Variants in SIRT2 observed in about 807,000 individuals in gnomAD.
SIRT2 encodes the protein sirtuin 2.
A neutral mutation model predicts 57.4 loss-of-function variants in SIRT2; 40 were observed. The observed-to-expected ratio is 0.70, with a 90% CI of 0.54 to 0.91. The LOEUF (loss-of-function observed/expected upper bound fraction) is 0.91. Ranked by LOEUF, SIRT2 falls within the 40% of genes least tolerant of loss-of-function variation. The pLI, the probability that SIRT2 is intolerant of heterozygous loss-of-function variation, is 0.00. For missense variants in SIRT2, 439 were observed against 510.4 expected, an observed-to-expected ratio of 0.86 and a Z score of 1.35; for synonymous variants, 161 against 195.7, an observed-to-expected ratio of 0.82 and a Z score of 1.48.
At chr19:38,881,256 A>T in intron 10 of SIRT2, 101 bp from the exon 11 acceptor site, 1 of 1,282,942 alleles carries the variant, frequency 7.8e-7, no homozygotes, top group Non-Finnish European at 1.1e-6. Context: ...GGGAGTTGGG[A>T]GCAGTGGGGA....
chr19:38,898,353 C>A, intron 2 of SIRT2, 26 bp downstream of exon 2: 1 of 1,446,770 alleles, frequency 6.9e-7, no homozygotes, highest in Non-Finnish European at 9.2e-7. Context: ...TCTCTCTCCT[C>A]CCCTCCACCC....
At chr19:38,881,380 G>A in intron 10 of SIRT2, 52 bp downstream of exon 10, 1 of 1,549,956 alleles carries the variant, frequency 6.5e-7, no homozygotes, top group Non-Finnish European at 8.9e-7. Context: ...TCAGGGGGAG[G>A]AGGGGACCCC....
rs1454214996 is a variant in SIRT2, at chr19:38,893,841, T to A, written c.90A>T (p.Gly30=). The change falls in exon 3 of 16, where the codon GGA becomes GGT. Residue 30 remains glycine (G), a synonymous_variant. Coordinates refer to ENST00000249396, the MANE Select transcript of SIRT2 (RefSeq NM_012237.4). ...CACTGTCTGCTTCTCCACCAGCGGC[T>A]CCTCCCTCAGAGTCTGAATCTGAGT... is the stretch of plus-strand genomic sequence containing the variant. ...AQDSDSDSEG[G]AAGGEADMDF... 1.2e-6 allele frequency: 2 copies of A among 1,613,600 alleles called. No individual in the cohort carries two copies. The highest frequency in any genetic ancestry group is 1.7e-6 in the Non-Finnish European group (2 of 1,179,916).
intron 8 of SIRT2, among the ~76,000 whole-genome samples, chr19:38,886,354 G>T (rs988426372): frequency 3.9e-5 from 6 of 152,090 alleles, no homozygotes; most frequent in Non-Finnish European, 8.8e-5. Context: ...ACATGTGAGT[G>T]AGCAATTTGC....
chr19:38,892,435 A>C (rs565870301), intron 4 of SIRT2, among the ~76,000 whole-genome samples: 1 of 151,884 alleles, frequency 6.6e-6, no homozygotes, highest in African/African-American at 2.4e-5. Flanking sequence ...TTTCATGCTG[A>C]CTCAGTAAGT....
chr19:38,889,834 C>T, intron 6 of SIRT2, 21 bp downstream of exon 6: 1 of 1,613,366 alleles, frequency 6.2e-7, no homozygotes, highest in Non-Finnish European at 8.5e-7. Flanking sequence ...CACAGACGCC[C>T]CTTCCTGGGG....
chr19:38,881,541 C>T (rs200303725), intron 9 of SIRT2, 50 bp from the exon 10 acceptor site: 65 of 1,545,086 alleles, frequency 4.2e-5, no homozygotes, highest in African/African-American at 1.1e-4. Context: ...GGATCTGGGC[C>T]GGAGTCTGGA....
At position 38,881,432 on chromosome 19, in the gene SIRT2, C is replaced by T. The variant is rs1186107848; in HGVS notation, c.691G>A (p.Asp231Asn). ...CEDCQSLVKP[D>N]IVFFGESLPA... is the part of the protein sequence containing the mutation. ...GGCAGGTCCCTGGCCAGAGGCTCACCAGGCTTCACCAGGCTCTGACAGTCT... is the reference window on the plus strand; with the variant it reads ...GGCAGGTCCCTGGCCAGAGGCTCACTAGGCTTCACCAGGCTCTGACAGTCT... The change falls in exon 10 of 16, where the codon GAT becomes AAT. Residue 231 changes from aspartate to asparagine, a missense_variant and splice_region_variant. Transcript: ENST00000249396. The T allele has an allele frequency of 4.3e-6, 7 of 1,613,854 alleles. No individual in the cohort carries two copies. Among genetic ancestry groups the T allele is most frequent in the African/African-American group, 4.0e-5 (3 of 74,898 alleles).
At chr19:38,881,402 A>T in intron 10 of SIRT2, 30 bp downstream of exon 10, 1 of 1,610,468 alleles carries the variant, frequency 6.2e-7, no homozygotes, top group South Asian at 1.1e-5. Flanking sequence ...ACCCAAATCC[A>T]CCTGGGCAGG....
chr19:38,879,357 G>A, intron 15 of SIRT2, 47 bp from the exon 16 acceptor site: 1 of 1,609,036 alleles, frequency 6.2e-7, no homozygotes, highest in Non-Finnish European at 8.5e-7. Context: ...GTGCATCATG[G>A]GGTCAGAGGA....
At chr19:38,887,012 A>T (rs1568400063) in intron 8 of SIRT2, among the ~76,000 whole-genome samples, 1 of 151,958 alleles carries the variant, frequency 6.6e-6, no homozygotes, top group African/African-American at 2.4e-5. Flanking sequence ...ATCTCAGCTC[A>T]GGGCAACCTC....
intron 8 of SIRT2, among the ~76,000 whole-genome samples, chr19:38,884,255 C>T (rs1973255309): frequency 6.6e-6 from 1 of 152,156 alleles, no homozygotes; most frequent in Admixed American, 6.5e-5. Context: ...TTTATTAGAG[C>T]CAGATGCTTT....
chr19:38,889,054 C>T (rs944808365), intron 8 of SIRT2, 33 bp downstream of exon 8: 1 of 1,600,950 alleles, frequency 6.2e-7, no homozygotes, highest in Non-Finnish European at 8.5e-7. Flanking sequence ...TCCACCCGCC[C>T]ATCCTCCTCC....
chr19:38,894,782 G>A (rs1246087207), intron 2 of SIRT2: 3 of 455,872 alleles, frequency 6.6e-6, no homozygotes, highest in Middle Eastern at 6.5e-4. Context: ...GCAGGTCTCT[G>A]GGACTCTGTC....
rs1373287230 is a variant in SIRT2 at position 38,880,987 on chromosome 19, C to G, written c.748-90G>C. Reference sequence around the variant, plus strand: ...CCCAGCAGCAAACCTCCCTGCCGCCCCCCATAGCTGGGGAGGTGACCTTTC... The same window carrying G: ...CCCAGCAGCAAACCTCCCTGCCGCCGCCCATAGCTGGGGAGGTGACCTTTC... On this transcript the variant is annotated intron_variant, in intron 11 of 15. Coordinates refer to ENST00000249396, the MANE Select transcript of SIRT2 (RefSeq NM_012237.4). This position sits in a 1 kb window ranked among gnomAD's most constrained non-coding sequence, Gnocchi z 4.1. 1.9e-5 allele frequency: 30 copies of G among 1,544,234 alleles called. No homozygotes were observed. In the East Asian group the frequency reaches 6.6e-4, roughly 34 times the overall value.
intron 1 of SIRT2, 45 bp downstream of exon 1, chr19:38,899,461 A>C (rs199984937): frequency 1.9e-6 from 3 of 1,610,072 alleles, no homozygotes; most frequent in Non-Finnish European, 2.5e-6. Context: ...GCATTCAGCC[A>C]GGCCCCGGCG....
chr19:38,885,706 T>C (rs1292829397), intron 8 of SIRT2, among the ~76,000 whole-genome samples: 1 of 151,382 alleles, frequency 6.6e-6, no homozygotes, highest in East Asian at 2.0e-4. Context: ...TTCTCCTGCC[T>C]CAGCCTTCCA....
In SIRT2 at chr19:38,880,509, A is replaced by G. The variant is rs1035670181; in HGVS notation, c.876+176T>C. ...GAGTTGGAATTCTATCACTTGCTCA[A>G]AAGGGCAGTGAATGTCCCAGAGGCC... On this transcript the variant is annotated intron_variant, in intron 13 of 15. Coordinates refer to ENST00000249396, the MANE Select transcript of SIRT2 (RefSeq NM_012237.4). The surrounding 1 kb of genome is among the most constrained non-coding windows in gnomAD (Gnocchi z 4.1). 5.4e-6 allele frequency: 3 copies of G among 556,984 alleles called. No individual in the cohort carries two copies. Among genetic ancestry groups the G allele is most frequent in the Admixed American group, 5.8e-5 (2 of 34,356 alleles). The allele number at this position is 556,984 out of a possible 1,614,324, so 34.5% of individuals were successfully genotyped here. A position where few individuals can be genotyped will look rare whatever the true frequency, so the allele number is the denominator to read the frequency against.
intron 13 of SIRT2, chr19:38,879,990 T>C: frequency 5.0e-6 from 2 of 400,376 alleles, no homozygotes; most frequent in Non-Finnish European, 4.6e-6. Context: ...CATGCCCGGC[T>C]AATTTTGTAT....
Sources: gnomAD v4.1 joint callset for allele counts (sites outside exome capture counted in the v4.1 genomes callset) on GRCh38, gnomAD v4.1.1 for gene constraint, Gnocchi (gnomAD v3.1) non-coding constraint, MANE v1.5 for transcripts, NCBI Gene and HGNC (gene_info 2026-07-23, HGNC 2026-07-21) for gene names.